Variants in PIK3R6 observed in about 807,000 individuals in gnomAD.
PIK3R6 encodes the protein phosphoinositide 3-kinase regulatory subunit 6.
Under a neutral mutation model 84.9 loss-of-function variants are expected in PIK3R6, and 91 were observed. The ratio of observed to expected loss-of-function variants is 1.07; its 90% CI spans 0.90 to 1.28. The LOEUF (loss-of-function observed/expected upper bound fraction) is 1.28. PIK3R6 is among the 50% of genes most tolerant of loss of function. The probability of loss-of-function intolerance (pLI) is 0.00; values close to 1 mark genes in which losing one functional copy is unlikely to be tolerated. For missense variants in PIK3R6, 996 were observed against 985.1 expected (o/e 1.01, Z -0.15); for synonymous variants, 416 against 411.4 (o/e 1.01, Z -0.13).
chr17:8,838,568 T>C lies in PIK3R6; in HGVS notation c.185A>G (p.Glu62Gly), dbSNP rs769509672. ...CCCTGAGGTCCAGGAACTCACCTTC[T>C]CCAGTTCTCTGAGAAGAATGCGGAC... ...VLVRILLRELEKAESQDLRHV... is the reference protein window; with the variant it reads ...VLVRILLRELGKAESQDLRHV... The change falls in exon 4 of 20, where the codon GAG becomes GGG. Residue 62 changes from glutamate to glycine, a missense_variant. By Grantham distance (98) the Glu-to-Gly change is moderately conservative. Transcript: ENST00000619866. 15 of 1,597,938 alleles carry C rather than the reference T, an allele frequency of 9.4e-6. No homozygotes were observed. Among genetic ancestry groups the C allele is most frequent in the Non-Finnish European group, 1.3e-5 (15 of 1,172,094 alleles).
intron 2 of PIK3R6, among the ~76,000 whole-genome samples, chr17:8,841,174 C>G (rs1016188026): frequency 6.6e-6 from 1 of 152,098 alleles, no homozygotes; most frequent in Non-Finnish European, 1.5e-5. Flanking sequence ...CCCCCCGCCC[C>G]AAGTATAAAG....
intron 5 of PIK3R6, among the ~76,000 whole-genome samples, 156 bp from the exon 6 acceptor site, chr17:8,837,079 C>T (rs1483548115): frequency 6.6e-6 from 1 of 152,032 alleles, no homozygotes; most frequent in Non-Finnish European, 1.5e-5. Context: ...ACAGCTCTCT[C>T]CCAAACCCAC....
intron 1 of PIK3R6, among the ~76,000 whole-genome samples, chr17:8,861,198 A>G (rs922638942): frequency 6.6e-6 from 1 of 151,086 alleles, no homozygotes; most frequent in Non-Finnish European, 1.5e-5. Flanking sequence ...AAAAAAAAAA[A>G]AGAAAGAAAG....
intron 12 of PIK3R6, 73 bp from the exon 13 acceptor site, chr17:8,827,367 G>A: frequency 8.0e-6 from 12 of 1,497,688 alleles, no homozygotes; most frequent in Non-Finnish European, 9.8e-6. Flanking sequence ...CATCAGCCTA[G>A]GCTGTGTGAA....
At chr17:8,838,543 C>T in intron 4 of PIK3R6, 21 bp downstream of exon 4, 3 of 1,576,354 alleles carry the variant, frequency 1.9e-6, no homozygotes, top group Non-Finnish European at 2.6e-6. Context: ...CCGTCTTCCT[C>T]CCTGAGGTCC....
chr17:8,856,780 A>C (rs574207542), intron 1 of PIK3R6, among the ~76,000 whole-genome samples: 1 of 152,210 alleles, frequency 6.6e-6, no homozygotes, highest in South Asian at 2.1e-4. Flanking sequence ...AATTTTTAAT[A>C]CATTTCTACA....
At chr17:8,813,379 G>C (rs969042467) in intron 18 of PIK3R6, among the ~76,000 whole-genome samples, 8 of 152,044 alleles carry the variant, frequency 5.3e-5, no homozygotes, top group Non-Finnish European at 1.2e-4. Flanking sequence ...GAGAAGAAGG[G>C]AATCCTCCCT....
chr17:8,852,554 G>A (rs1207438399), intron 1 of PIK3R6, among the ~76,000 whole-genome samples: 2 of 151,804 alleles, frequency 1.3e-5, no homozygotes, highest in Non-Finnish European at 2.9e-5. Context: ...CCTGACCAAC[G>A]TGGTGAAACC....
intron 2 of PIK3R6, among the ~76,000 whole-genome samples, chr17:8,840,391 TGTATATGAA>T (rs2088636982): frequency 7.4e-6 from 1 of 135,404 alleles, no homozygotes; most frequent in Admixed American, 7.8e-5. Context: ...CCTCCAAATA[TGTATATGAA>T]ATATATATAG....
intron 9 of PIK3R6, among the ~76,000 whole-genome samples, chr17:8,830,840 G>A (rs547961825): frequency 1.3e-5 from 2 of 152,258 alleles, no homozygotes; most frequent in South Asian, 2.1e-4. Flanking sequence ...GTGCTGCCTG[G>A]TCATTAAGAT....
intron 12 of PIK3R6, among the ~76,000 whole-genome samples, chr17:8,827,744 AGAGAGAGAGAGAGAGAGAG>A (rs1160125692): frequency 0.015 from 1,084 of 72,292 alleles, 13 homozygotes; most frequent in Non-Finnish European, 0.019. Context: ...AGGGAAGGGG[AGAGAGAGAGAGAGAGAGAG>A]GAGAGAGAGA....
chr17:8,828,767 G>A lies in PIK3R6; in HGVS notation c.1113C>T (p.Gly371=). Residue 371 remains glycine (G), a synonymous_variant, in exon 11 of 20, where the codon GGC becomes GGT. Coordinates refer to ENST00000619866, the MANE Select transcript of PIK3R6 (RefSeq NM_001010855.4). ...CCAGGGGCCATGCACGCTTCTTGATGCCCCCTTTGCGCTGCAGCCCGGCTC... is the reference window on the plus strand; with the variant it reads ...CCAGGGGCCATGCACGCTTCTTGATACCCCCTTTGCGCTGCAGCCCGGCTC... ...MERAGLQRKG[G]IKKRAWPLDF... is the part of the protein sequence containing the mutation. The A allele has an allele frequency of 6.3e-7, 1 of 1,593,694 alleles. No homozygotes were observed. Among genetic ancestry groups the A allele is most frequent in the Middle Eastern group, 1.7e-4 (1 of 5,958 alleles).
At chr17:8,832,684 G>T (rs1281081213) in intron 9 of PIK3R6, among the ~76,000 whole-genome samples, 1 of 151,910 alleles carries the variant, frequency 6.6e-6, no homozygotes, top group East Asian at 1.9e-4. Flanking sequence ...GTTAACAGGC[G>T]TGAGCCACCG....
intron 9 of PIK3R6, among the ~76,000 whole-genome samples, chr17:8,832,610 C>G (rs12946387): frequency 0.42 from 62,005 of 148,868 alleles, 13,351 homozygotes; most frequent in East Asian, 0.55. Context: ...CCCCATGTTG[C>G]CTAGGCTGGT....
chr17:8,823,634 A>T (rs1433252262), intron 13 of PIK3R6, 137 bp from the exon 14 acceptor site: 2 of 632,284 alleles, frequency 3.2e-6, no homozygotes, highest in African/African-American at 1.8e-5. Context: ...CACATTCCAA[A>T]CCTTTCCTAC....
At chr17:8,858,494 T>G (rs996452348) in intron 1 of PIK3R6, among the ~76,000 whole-genome samples, 17 of 151,974 alleles carry the variant, frequency 1.1e-4, no homozygotes, top group African/African-American at 4.1e-4. Flanking sequence ...TTTTTGTATT[T>G]TTAGTAGAGA....
rs1463371886 is a variant in PIK3R6 at position 8,810,791 on chromosome 17, C to T, written c.1996-6638G>A. 1.3e-5 allele frequency among the ~76,000 whole-genome samples: 2 copies of T among 148,844 alleles called. 1 individual carries two copies. Among genetic ancestry groups the T allele is most frequent in the African/African-American group, 5.0e-5 (2 of 39,992 alleles). On this transcript the variant is annotated intron_variant, in intron 18 of 19. Coordinates refer to ENST00000619866, the MANE Select transcript of PIK3R6 (RefSeq NM_001010855.4). Reference sequence around the variant, plus strand: ...GGTGGGTTCCCATGGTCTTGGACAGCTCTGCCCCTATGGCTTTGCAGGGTT... The same window carrying T: ...GGTGGGTTCCCATGGTCTTGGACAGTTCTGCCCCTATGGCTTTGCAGGGTT...
intron 9 of PIK3R6, among the ~76,000 whole-genome samples, chr17:8,830,431 C>T (rs963424698): frequency 5.9e-5 from 9 of 152,178 alleles, no homozygotes; most frequent in Non-Finnish European, 7.3e-5. Context: ...GCACACCTCA[C>T]ATGTGGTCTT....
intron 13 of PIK3R6, among the ~76,000 whole-genome samples, chr17:8,824,214 AG>A (rs1216984538): frequency 6.6e-6 from 1 of 152,246 alleles, no homozygotes; most frequent in Non-Finnish European, 1.5e-5. Context: ...GGTTGCAGTG[AG>A]CCAAGATTGT....
Sources: gnomAD v4.1 joint callset for allele counts (sites outside exome capture counted in the v4.1 genomes callset) on GRCh38, gnomAD v4.1.1 for gene constraint, MANE v1.5 for transcripts, NCBI Gene and HGNC (gene_info 2026-07-23, HGNC 2026-07-21) for gene names.